The following WASF3 variants were observed in gnomAD, a reference collection of about 807,000 sequenced individuals.
The protein encoded by WASF3 is actin-binding protein WASF3.
Under a neutral mutation model 46.6 loss-of-function variants are expected in WASF3, and 11 were observed. That is an observed-to-expected ratio of 0.24 (90% CI 0.15 to 0.39). The LOEUF is 0.39. Among genes scored for constraint, WASF3 ranks in the 10% least tolerant of loss-of-function variants. The probability of loss-of-function intolerance (pLI) is 1.00; values close to 1 mark genes in which losing one functional copy is unlikely to be tolerated. For synonymous variants in WASF3, 242 were observed against 259.7 expected (o/e 0.93, Z 0.65); for missense variants, 576 against 669.8 (o/e 0.86, Z 1.55).
At chr13:26,549,425 T>A in the WASF3 span, among the ~76,000 whole-genome samples, 1 of 152,192 alleles carries the variant, frequency 6.6e-6, no homozygotes, top group African/African-American at 2.4e-5. Flanking sequence ...TTACGACTTG[T>A]CTCTCTTTTT....
chr13:26,673,818 G>A (rs563082442), intron 6 of WASF3, among the ~76,000 whole-genome samples: 50 of 152,180 alleles, frequency 3.3e-4, no homozygotes, highest in Admixed American at 8.5e-4. Flanking sequence ...GACAAGTACA[G>A]AGCACTCTGA....
intron 3 of WASF3, among the ~76,000 whole-genome samples, chr13:26,652,916 C>T (rs1227293900): frequency 6.6e-6 from 1 of 152,074 alleles, no homozygotes; most frequent in African/African-American, 2.4e-5. Flanking sequence ...TTAGGTAGGG[C>T]CCTTGGTGTT....
intron 3 of WASF3, among the ~76,000 whole-genome samples, chr13:26,649,223 T>G (rs1003211660): frequency 6.6e-6 from 1 of 152,214 alleles, no homozygotes; most frequent in African/African-American, 2.4e-5. Flanking sequence ...TCTGTTTTAA[T>G]CTACTATTCT....
chr13:26,560,222 A>T (rs75947067), intron 1 of WASF3, among the ~76,000 whole-genome samples: 14,093 of 152,036 alleles, frequency 0.093, 842 homozygotes, highest in Admixed American at 0.17. Context: ...AATGCTTCTG[A>T]CAGCCCCACA....
At chr13:26,629,004 G>A (rs1881566501) in intron 2 of WASF3, among the ~76,000 whole-genome samples, 1 of 152,188 alleles carries the variant, frequency 6.6e-6, no homozygotes, top group East Asian at 1.9e-4. Context: ...GAAAAGGCTG[G>A]CCCAGCGTTC....
the WASF3 span, among the ~76,000 whole-genome samples, chr13:26,551,149 T>A: frequency 6.6e-6 from 1 of 152,222 alleles, no homozygotes; most frequent in Non-Finnish European, 1.5e-5. Flanking sequence ...TCTGCCATGG[T>A]AAGACATGCT....
intron 2 of WASF3, among the ~76,000 whole-genome samples, chr13:26,636,771 C>G (rs1226348117): frequency 6.6e-6 from 1 of 152,244 alleles, no homozygotes; most frequent in Non-Finnish European, 1.5e-5. Flanking sequence ...GAGCCCCACT[C>G]AAAACTGGCA....
rs1883169048 is a variant in WASF3, at chr13:26,679,696, C to G, written c.717-1358C>G. On this transcript the variant is annotated intron_variant, in intron 7 of 9. Coordinates refer to ENST00000335327, the MANE Select transcript of WASF3 (RefSeq NM_006646.6). The surrounding 1 kb of genome is among the most constrained non-coding windows in gnomAD (Gnocchi z 4.8). Reference sequence around the variant, plus strand: ...TAGGAATTTACATTTTTAAAATACTCTAAATCTAAATACAGGTCAGGTCCT... The same window carrying G: ...TAGGAATTTACATTTTTAAAATACTGTAAATCTAAATACAGGTCAGGTCCT... Among the ~76,000 whole-genome samples, 1 of 152,152 alleles carries G rather than the reference C, an allele frequency of 6.6e-6. No individual in the cohort carries two copies. The highest frequency in any genetic ancestry group is 2.4e-5 in the African/African-American group (1 of 41,424).
intron 1 of WASF3, among the ~76,000 whole-genome samples, chr13:26,579,056 A>G (rs7323274): frequency 0.49 from 63,863 of 131,066 alleles, 15,287 homozygotes; most frequent in Middle Eastern, 0.55. Flanking sequence ...GCTGGAGAGC[A>G]GTGGTGCAAT....
chr13:26,638,538 CAA>C, intron 2 of WASF3: 1 of 152,266 alleles, frequency 6.6e-6, no homozygotes, highest in South Asian at 2.1e-4. Flanking sequence ...ATAAAGGAAT[CAA>C]GAGGCGTACT....
At chr13:26,684,131 G>A (rs1467229600) in intron 9 of WASF3, among the ~76,000 whole-genome samples, 4 of 152,092 alleles carry the variant, frequency 2.6e-5, no homozygotes, top group Non-Finnish European at 4.4e-5. Flanking sequence ...TGTGGCCCAC[G>A]CACCCTTCTA....
the WASF3 span, among the ~76,000 whole-genome samples, chr13:26,547,055 A>G: frequency 6.6e-6 from 1 of 151,964 alleles, no homozygotes; most frequent in East Asian, 1.9e-4. Context: ...TACTTCTTCT[A>G]AGCACCTAGA....
At chr13:26,659,978 G>C (rs909767117) in intron 3 of WASF3, among the ~76,000 whole-genome samples, 2 of 152,124 alleles carry the variant, frequency 1.3e-5, no homozygotes, top group Non-Finnish European at 1.5e-5. Flanking sequence ...AGGCCCATCT[G>C]GAGGTAGAAA....
the WASF3 span, among the ~76,000 whole-genome samples, chr13:26,543,061 T>C: frequency 1.3e-5 from 2 of 152,178 alleles, no homozygotes; most frequent in African/African-American, 2.4e-5. Context: ...GGACATCATG[T>C]CCTTTCAGTG....
chr13:26,595,993 A>G (rs1421738288), intron 1 of WASF3, among the ~76,000 whole-genome samples: 2 of 152,198 alleles, frequency 1.3e-5, no homozygotes, highest in African/African-American at 4.8e-5. Context: ...TTTCTCTGGG[A>G]TAAATACCCA....
chr13:26,547,619 T>C, the WASF3 span, among the ~76,000 whole-genome samples: 1 of 152,214 alleles, frequency 6.6e-6, no homozygotes, highest in African/African-American at 2.4e-5. Context: ...AGAAGACTTC[T>C]TCAATCAGTT....
rs148972880 is a variant in WASF3 at position 26,633,021 on chromosome 13, C to G, written c.-10-9240C>G. Among the ~76,000 whole-genome samples, 1,052 of 151,956 alleles carry G rather than the reference C, an allele frequency of 6.9e-3. 9 individuals carry two copies. The highest frequency in any genetic ancestry group is 0.024 in the African/African-American group (975 of 41,432). On this transcript the variant is annotated intron_variant, in intron 2 of 9. Coordinates refer to ENST00000335327, the MANE Select transcript of WASF3 (RefSeq NM_006646.6). ...TTCCTGTGGGATTGGTGGTGATACC[C>G]CCTTTATCATTTTTTATTGTGTCTA... is the stretch of plus-strand genomic sequence containing the variant.
intron 1 of WASF3, among the ~76,000 whole-genome samples, chr13:26,581,112 A>G (rs888681093): frequency 1.3e-5 from 2 of 151,830 alleles, no homozygotes; most frequent in South Asian, 4.2e-4. Context: ...TTGTATTTTT[A>G]GAAGAGATGG....
intron 2 of WASF3, among the ~76,000 whole-genome samples, chr13:26,636,430 C>T (rs1593162171): frequency 2.0e-5 from 3 of 152,324 alleles, no homozygotes; most frequent in African/African-American, 7.2e-5. Flanking sequence ...CTTCCCTTGA[C>T]GAGGAAAGGG....
Sources: gnomAD v4.1 joint callset for allele counts (sites outside exome capture counted in the v4.1 genomes callset) on GRCh38, gnomAD v4.1.1 for gene constraint, Gnocchi (gnomAD v3.1) non-coding constraint, MANE v1.5 for transcripts, NCBI Gene and HGNC (gene_info 2026-07-23, HGNC 2026-07-21) for gene names.